OPA3: variants seen among roughly 807,000 people sequenced by gnomAD.
OPA3 encodes optic atrophy 3 protein.
Under a neutral mutation model 4.0 loss-of-function variants are expected in OPA3, and 6 were observed. The observed-to-expected ratio is 1.51, with a 90% confidence interval of 0.83 to 2.99. The LOEUF is 2.99. Ranked by LOEUF, OPA3 falls within the 30% of genes most tolerant of loss-of-function variation. The probability of loss-of-function intolerance (pLI) is 0.00; values close to 1 mark genes in which losing one functional copy is unlikely to be tolerated. For synonymous variants in OPA3, 105 were observed against 117.1 expected, an observed-to-expected ratio of 0.90 and a Z score of 0.67; for missense variants, 235 against 256.2, an observed-to-expected ratio of 0.92 and a Z score of 0.56.
downstream of OPA3, among the ~76,000 whole-genome samples, chr19:45,542,044 T>C (rs1417949796): frequency 1.3e-5 from 2 of 152,178 alleles, no homozygotes. Context: ...GGCTCCTTGC[T>C]GGGAAGTGGC....
rs949976993 is a variant in OPA3, at chr19:45,549,120, A to G, written c.*4394T>C. The G allele has an allele frequency of 1.6e-5, 16 of 985,200 alleles. No individual in the cohort carries two copies. The highest frequency in any genetic ancestry group is 5.2e-5 in the African/African-American group (3 of 57,208). The allele number at this position is 985,200 out of a possible 1,614,324, so 61.0% of individuals were successfully genotyped here. A position where few individuals can be genotyped will look rare whatever the true frequency, so the allele number is the denominator to read the frequency against. On this transcript the variant is annotated 3_prime_UTR_variant, in exon 2 of 2. Coordinates refer to ENST00000263275, the MANE Select transcript of OPA3 (RefSeq NM_025136.4). ...GCGCCCAGTCCCAAGGACTTTTTAA[A>G]TATGAAAAAAGAATGCATCAACTTG...
chr19:45,542,646 A>G (rs1969198074), downstream of OPA3, among the ~76,000 whole-genome samples: 1 of 146,680 alleles, frequency 6.8e-6, no homozygotes, highest in Non-Finnish European at 1.5e-5. Context: ...TATGTGGTAC[A>G]GTACTTCACT....
chr19:45,533,398 G>A (rs1969081119), intron 1 of OPA3, among the ~76,000 whole-genome samples: 1 of 152,042 alleles, frequency 6.6e-6, no homozygotes, highest in Non-Finnish European at 1.5e-5. Flanking sequence ...GTTTCACCAA[G>A]TTAGCCAGAA....
rs1969337372 is a variant in OPA3, at chr19:45,551,818, A to C, written c.*1696T>G. On this transcript the variant is annotated 3_prime_UTR_variant, in exon 2 of 2. Transcript: ENST00000263275. ...GGTCAGTCCAGAGCTCCGAGGAAAGAAAGCAAGAGCACACAGATTAGGAGA... is the reference window on the plus strand; with the variant it reads ...GGTCAGTCCAGAGCTCCGAGGAAAGCAAGCAAGAGCACACAGATTAGGAGA... 1 of 985,564 alleles carries C rather than the reference A, an allele frequency of 1.0e-6. No homozygotes were observed. The highest frequency in any genetic ancestry group is 6.1e-5 in the Admixed American group (1 of 16,266). The allele number at this position is 985,564 out of a possible 1,614,324, so 61.1% of individuals were successfully genotyped here.
At chr19:45,533,983 AAC>A (rs1353873193) in intron 1 of OPA3, among the ~76,000 whole-genome samples, 1 of 152,208 alleles carries the variant, frequency 6.6e-6, no homozygotes, top group Non-Finnish European at 1.5e-5. Flanking sequence ...CAAATATACA[AAC>A]ACACACCTTT....
At chr19:45,537,078 A>C (rs993327082) in intron 1 of OPA3, among the ~76,000 whole-genome samples, 1 of 152,156 alleles carries the variant, frequency 6.6e-6, no homozygotes, top group African/African-American at 2.4e-5. Context: ...AAAAATAAAA[A>C]ATTAGCCCGG....
chr19:45,569,617 G>C (rs887319290), intron 1 of OPA3, among the ~76,000 whole-genome samples: 1 of 152,124 alleles, frequency 6.6e-6, no homozygotes, highest in Non-Finnish European at 1.5e-5. Context: ...CCAAGGGGTG[G>C]GAGGTGACCC....
intron 1 of OPA3, among the ~76,000 whole-genome samples, chr19:45,580,570 G>A (rs1969839185): frequency 6.6e-6 from 1 of 151,902 alleles, no homozygotes; most frequent in Non-Finnish European, 1.5e-5. Context: ...TGGGATTATA[G>A]GTGGGAGGCA....
intron 1 of OPA3, among the ~76,000 whole-genome samples, chr19:45,579,269 G>A (rs1026271670): frequency 1.3e-5 from 2 of 152,088 alleles, no homozygotes; most frequent in African/African-American, 4.8e-5. Flanking sequence ...CACCCAGGCT[G>A]GAGTGCAGTG....
In OPA3 at chr19:45,584,802, T is replaced by G; in HGVS notation, c.-38A>C. 1 of 1,610,866 alleles carries G rather than the reference T, an allele frequency of 6.2e-7. No homozygotes were observed. Among genetic ancestry groups the G allele is most frequent in the Non-Finnish European group, 8.5e-7 (1 of 1,179,808 alleles). ...ACAGGGCACGCGCAACCTTGCTGAC[T>G]GGGCGGGGCGCCTCAACCTCTTCAC... On this transcript the variant is annotated 5_prime_UTR_variant, in exon 1 of 2. Transcript: ENST00000263275.
At position 45,548,684 on chromosome 19, in the gene OPA3, C is replaced by T. The variant is rs1053310601; in HGVS notation, c.*4830G>A. 11 of 982,166 alleles carry T rather than the reference C, an allele frequency of 1.1e-5. No individual in the cohort carries two copies. Among genetic ancestry groups the T allele is most frequent in the South Asian group, 4.7e-5 (1 of 21,226 alleles). The allele number at this position is 982,166 out of a possible 1,614,324, so 60.8% of individuals were successfully genotyped here. ...TTATTTTTTTTTTTTTTGCGGGAGA[C>T]GCCCTACCAAGGACACTGGGTCCAT... is the stretch of plus-strand genomic sequence containing the variant. On this transcript the variant is annotated 3_prime_UTR_variant, in exon 2 of 2. Transcript: ENST00000263275.
intron 1 of OPA3, among the ~76,000 whole-genome samples, chr19:45,531,995 T>A (rs929041345): frequency 1.3e-5 from 2 of 152,208 alleles, no homozygotes; most frequent in African/African-American, 2.4e-5. Context: ...CCAGCCTGAG[T>A]TTACATGGGG....
intron 1 of OPA3, among the ~76,000 whole-genome samples, chr19:45,536,709 G>C (rs551129047): frequency 6.6e-6 from 1 of 152,294 alleles, no homozygotes; most frequent in East Asian, 1.9e-4. Context: ...CAGTGGTAAA[G>C]CGTAGAGAAT....
Position 45,554,053 on chromosome 19 carries a change from A to G in OPA3, c.143-142T>C, listed in dbSNP as rs1169583134. The G allele has an allele frequency of 5.8e-6, 4 of 684,834 alleles. No individual in the cohort carries two copies. The African/African-American group carries it at 7.2e-5, about 12-fold the overall frequency. 42.4% of individuals were successfully genotyped at this position (684,834 alleles called of 1,614,324 possible). A position where few individuals can be genotyped will look rare whatever the true frequency, so the allele number is the denominator to read the frequency against. ...AGATGATTCTAGCGAGCAGCCAGGAATAAGAAACACTGCCCCAGAAGGGAG... is the reference window on the plus strand; with the variant it reads ...AGATGATTCTAGCGAGCAGCCAGGAGTAAGAAACACTGCCCCAGAAGGGAG... On this transcript the variant is annotated intron_variant, in intron 1 of 1. Transcript: ENST00000263275.
At chr19:45,534,395 C>T (rs1195842650) in intron 1 of OPA3, among the ~76,000 whole-genome samples, 1 of 151,848 alleles carries the variant, frequency 6.6e-6, no homozygotes, top group Non-Finnish European at 1.5e-5. Flanking sequence ...AACCCCATCT[C>T]CACTAAAAAT....
chr19:45,578,074 A>G (rs1277600094), intron 1 of OPA3, among the ~76,000 whole-genome samples: 3 of 152,102 alleles, frequency 2.0e-5, no homozygotes, highest in Non-Finnish European at 4.4e-5. Flanking sequence ...CTTACTTCCA[A>G]CCTCCAAGCT....
intron 1 of OPA3, among the ~76,000 whole-genome samples, chr19:45,530,122 G>A (rs1969042972): frequency 6.6e-6 from 1 of 152,192 alleles, no homozygotes; most frequent in Non-Finnish European, 1.5e-5. Flanking sequence ...GAGAGGCCGA[G>A]GTGGGTGGCT....
intron 1 of OPA3, among the ~76,000 whole-genome samples, chr19:45,571,913 T>C (rs932366186): frequency 1.4e-4 from 22 of 152,228 alleles, no homozygotes; most frequent in African/African-American, 5.1e-4. Context: ...TTTTGTTTAA[T>C]TCTTTTTCCA....
At chr19:45,581,947 C>T (rs981717594) in intron 1 of OPA3, among the ~76,000 whole-genome samples, 7 of 151,988 alleles carry the variant, frequency 4.6e-5, no homozygotes, top group Non-Finnish European at 5.9e-5. Flanking sequence ...TACAGATGTG[C>T]GCCACCACAC....
Sources: gnomAD v4.1 joint callset for allele counts (sites outside exome capture counted in the v4.1 genomes callset) on GRCh38, gnomAD v4.1.1 for gene constraint, MANE v1.5 for transcripts, NCBI Gene and HGNC (gene_info 2026-07-23, HGNC 2026-07-21) for gene names.